The following TRIM55 variants were observed in gnomAD, a reference collection of about 807,000 sequenced individuals.
The protein encoded by TRIM55 is tripartite motif containing 55.
A neutral mutation model predicts 60.9 loss-of-function variants in TRIM55; 50 were observed. The observed-to-expected ratio is 0.82, with a 90% CI of 0.65 to 1.04. The LOEUF is 1.04. TRIM55 is among the 50% of genes least tolerant of loss of function. TRIM55 has a pLI of 0.00. For missense variants in TRIM55, 681 were observed against 666.9 expected (o/e 1.02, Z -0.23); for synonymous variants, 237 against 238.1 (o/e 1.00, Z 0.04).
At chr8:66,137,070 T>C in intron 3 of TRIM55, 25 bp from the exon 4 acceptor site, 1 of 1,601,726 alleles carries the variant, frequency 6.2e-7, no homozygotes, top group Non-Finnish European at 8.5e-7. Flanking sequence ...CCTAAGATAT[T>C]GGGTTCATGT....
the TRIM55 span, among the ~76,000 whole-genome samples, chr8:66,114,180 C>T: frequency 8.8e-5 from 13 of 148,550 alleles, no homozygotes; most frequent in East Asian, 6.3e-4. Context: ...ATAAGCCGTG[C>T]CCAGCCGTGG....
rs1323287610 is a variant in TRIM55, at chr8:66,175,003, G to A, written c.*410G>A. On this transcript the variant is annotated 3_prime_UTR_variant, in exon 10 of 10. Coordinates refer to ENST00000315962, the MANE Select transcript of TRIM55 (RefSeq NM_184085.2). Reference sequence around the variant, plus strand: ...ATTTCCTTTACTCTTTAACAGTGCAGGTGGTCAGTGAAAATCAGTGTCAAC... The same window carrying A: ...ATTTCCTTTACTCTTTAACAGTGCAAGTGGTCAGTGAAAATCAGTGTCAAC... 1.3e-5 allele frequency: 2 copies of A among 153,508 alleles called. No homozygotes were observed. Among genetic ancestry groups the A allele is most frequent in the African/African-American group, 4.8e-5 (2 of 41,426 alleles). 9.5% of individuals were successfully genotyped at this position (153,508 alleles called of 1,614,324 possible).
chr8:66,145,002 T>A (rs1000385355), intron 4 of TRIM55, among the ~76,000 whole-genome samples: 1 of 152,232 alleles, frequency 6.6e-6, no homozygotes, highest in Non-Finnish European at 1.5e-5. Context: ...GAGTCATCAC[T>A]GTCAGTAGCT....
chr8:66,169,481 AT>A (rs1811502282), intron 9 of TRIM55, among the ~76,000 whole-genome samples: 1 of 152,224 alleles, frequency 6.6e-6, no homozygotes, highest in African/African-American at 2.4e-5. Context: ...TCCATTGAGC[AT>A]TTTACTTCCT....
rs1586274943 is a variant in TRIM55, at chr8:66,174,538, C to T, written c.1592C>T (p.Ser531Phe). 1 of 1,611,314 alleles carries T rather than the reference C, an allele frequency of 6.2e-7. No homozygotes were observed. Among genetic ancestry groups the T allele is most frequent in the Non-Finnish European group, 8.5e-7 (1 of 1,179,264 alleles). Reference protein sequence around the residue: ...AAPASGSGADSEPARHIFSFS... With the variant: ...AAPASGSGADFEPARHIFSFS... Reference sequence around the variant, plus strand: ...CCAGCGAGTGGCAGTGGAGCTGATTCTGAGCCAGCTCGCCATATCTTCTCC... The same window carrying T: ...CCAGCGAGTGGCAGTGGAGCTGATTTTGAGCCAGCTCGCCATATCTTCTCC... The change falls in exon 10 of 10, where the codon TCT becomes TTT. Residue 531 changes from serine to phenylalanine, a missense_variant. Coordinates refer to ENST00000315962, the MANE Select transcript of TRIM55 (RefSeq NM_184085.2).
upstream of TRIM55, among the ~76,000 whole-genome samples, chr8:66,122,905 CA>C (rs1808686944): frequency 6.6e-6 from 1 of 152,178 alleles, no homozygotes; most frequent in South Asian, 2.1e-4. Flanking sequence ...TATTTTACCC[CA>C]AAATATATTT....
chr8:66,137,048 G>T, intron 3 of TRIM55, 47 bp from the exon 4 acceptor site: 4 of 1,509,676 alleles, frequency 2.6e-6, no homozygotes, highest in African/African-American at 1.4e-5. Context: ...CAGTCGGGGT[G>T]GCTAGGAAAC....
chr8:66,141,329 C>T lies in TRIM55; in HGVS notation c.603+4139C>T, dbSNP rs149470686. ...ACTGAGCCGTGAGTCTTTTTACCTC[C>T]GCTTCTTGAGAGTGGCTTGGCCTAA... On this transcript the variant is annotated intron_variant, in intron 4 of 9. Coordinates refer to ENST00000315962, the MANE Select transcript of TRIM55 (RefSeq NM_184085.2). 5.3e-3 allele frequency among the ~76,000 whole-genome samples: 810 copies of T among 152,232 alleles called. 10 individuals carry two copies. Among genetic ancestry groups the T allele is most frequent in the African/African-American group, 0.019 (773 of 41,530 alleles).
At chr8:66,115,440 T>G in the TRIM55 span, among the ~76,000 whole-genome samples, 1 of 152,142 alleles carries the variant, frequency 6.6e-6, no homozygotes, top group South Asian at 2.1e-4. Context: ...TAGTTTGGGA[T>G]TATGGGTGTT....
intron 2 of TRIM55, among the ~76,000 whole-genome samples, chr8:66,134,124 A>G (rs558245539): frequency 1.7e-4 from 26 of 152,372 alleles, no homozygotes; most frequent in African/African-American, 6.0e-4. Flanking sequence ...CATGGCTCAT[A>G]AAAACCTGTA....
intron 4 of TRIM55, among the ~76,000 whole-genome samples, chr8:66,143,585 T>A (rs1043956380): frequency 5.9e-5 from 9 of 151,818 alleles, no homozygotes; most frequent in African/African-American, 2.2e-4. Context: ...TTTTTGGGTT[T>A]TTTTTTTTTT....
At chr8:66,123,926 C>A (rs886399977), upstream of TRIM55, among the ~76,000 whole-genome samples, 3 of 151,828 alleles carry the variant, frequency 2.0e-5, no homozygotes, top group Non-Finnish European at 4.4e-5. Flanking sequence ...GGTTATGAAC[C>A]CCACTCACTT....
At chr8:66,148,725 C>A (rs1320506834) in intron 4 of TRIM55, among the ~76,000 whole-genome samples, 1 of 152,120 alleles carries the variant, frequency 6.6e-6, no homozygotes, top group Non-Finnish European at 1.5e-5. Flanking sequence ...AAGTGTTATT[C>A]TTTGTGTAAT....
At chr8:66,157,843 C>G (rs904091672) in intron 9 of TRIM55, among the ~76,000 whole-genome samples, 10 of 152,074 alleles carry the variant, frequency 6.6e-5, no homozygotes, top group Admixed American at 1.3e-4. Flanking sequence ...CTCTCTTCAC[C>G]CAAGTACACA....
chr8:66,165,135 T>C (rs975923216), intron 9 of TRIM55, among the ~76,000 whole-genome samples: 1 of 152,148 alleles, frequency 6.6e-6, no homozygotes, highest in Non-Finnish European at 1.5e-5. Flanking sequence ...TCACTCAAGG[T>C]TCAGCGCCCT....
intron 1 of TRIM55, among the ~76,000 whole-genome samples, chr8:66,127,858 A>G (rs1808908462): frequency 6.6e-6 from 1 of 152,154 alleles, no homozygotes; most frequent in African/African-American, 2.4e-5. Flanking sequence ...CAAACAAACA[A>G]AAAAACTTTA....
the TRIM55 span, among the ~76,000 whole-genome samples, chr8:66,118,168 C>CAAAA: frequency 0.011 from 458 of 39,864 alleles, 45 homozygotes; most frequent in East Asian, 0.03. Context: ...GACTCCGTCT[C>CAAAA]AAAAAAAAAA....
the TRIM55 span, among the ~76,000 whole-genome samples, chr8:66,114,188 T>C: frequency 6.7e-6 from 1 of 148,336 alleles, no homozygotes; most frequent in Non-Finnish European, 1.5e-5. Context: ...TGCCCAGCCG[T>C]GGGGGATTAG....
At chr8:66,122,061 A>T (rs955955118), upstream of TRIM55, among the ~76,000 whole-genome samples, 1 of 152,082 alleles carries the variant, frequency 6.6e-6, no homozygotes, top group Non-Finnish European at 1.5e-5. Context: ...CACCCACCCC[A>T]TGGATTGGTG....
Sources: allele counts gnomAD v4.1 joint callset (sites outside exome capture counted in the v4.1 genomes callset), GRCh38; gene constraint gnomAD v4.1.1; transcripts MANE v1.5; gene names NCBI Gene and HGNC (gene_info 2026-07-23, HGNC 2026-07-21).